UNC79: variants seen among roughly 807,000 people sequenced by gnomAD.
UNC79 encodes unc-79 subunit of NALCN channel complex.
UNC79 carries 37 observed loss-of-function variants against 283.1 expected under a neutral mutation model. That is an observed-to-expected ratio of 0.13 (90% confidence interval 0.10 to 0.17). UNC79 has a LOEUF of 0.17. Ranked by LOEUF, UNC79 falls within the 10% of genes least tolerant of loss-of-function variation. The pLI, the probability that UNC79 is intolerant of heterozygous loss-of-function variation, is 1.00. For missense variants in UNC79, 2,272 were observed against 3,211.1 expected (o/e 0.71, Z 7.07); for synonymous variants, 1,107 against 1,200.2 (o/e 0.92, Z 1.61).
chr14:93,504,273 C>CCTT (rs10656334), intron 7 of UNC79, among the ~76,000 whole-genome samples: 151,596 of 151,928 alleles, frequency 1, 75,637 homozygotes, highest in Middle Eastern at 1. Flanking sequence ...TCCTCCTCCT[C>CCTT]CATTTCTTCC....
At chr14:93,394,139 G>A (rs533249393) in intron 1 of UNC79, among the ~76,000 whole-genome samples, 16 of 152,084 alleles carry the variant, frequency 1.1e-4, no homozygotes, top group South Asian at 4.2e-4. Context: ...ATTTGTCTGC[G>A]ACAGCTATTA....
At chr14:93,571,659 TC>T (rs1374456931) in intron 14 of UNC79, among the ~76,000 whole-genome samples, 1 of 152,236 alleles carries the variant, frequency 6.6e-6, no homozygotes, top group East Asian at 1.9e-4. Flanking sequence ...CATTAAAAAT[TC>T]CATCTGTAAT....
chr14:93,677,426 C>T (rs1463126492), intron 41 of UNC79, among the ~76,000 whole-genome samples: 2 of 152,200 alleles, frequency 1.3e-5, no homozygotes, highest in Non-Finnish European at 2.9e-5. Context: ...TGGCAGCAGG[C>T]AAAAGAGCTT....
chr14:93,599,580 T>A (rs2065344868), intron 24 of UNC79, among the ~76,000 whole-genome samples: 1 of 152,222 alleles, frequency 6.6e-6, no homozygotes, highest in Non-Finnish European at 1.5e-5. Context: ...TTCTATGTCC[T>A]ACCCCTGCTT....
rs547742745 is a variant in UNC79, at chr14:93,603,624, C to T, written c.3754+206C>T. On this transcript the variant is annotated intron_variant, in intron 26 of 48. Coordinates refer to ENST00000555664, the Ensembl canonical transcript of UNC79. ...CCTAGTTTGCTGGGGTAGCAAAGCC[C>T]TGATCCAACAGTAGATGTTTTTGAA... 1.7e-3 allele frequency among the ~76,000 whole-genome samples: 264 copies of T among 152,258 alleles called. 3 individuals are homozygous for T. The highest frequency in any genetic ancestry group is 6.1e-3 in the African/African-American group (252 of 41,554).
At chr14:93,437,319 T>C (rs907921307) in intron 1 of UNC79, 4 of 152,200 alleles carry the variant, frequency 2.6e-5, no homozygotes, top group African/African-American at 9.6e-5. Flanking sequence ...CATAACAGCT[T>C]TGAGAGATGT....
intron 1 of UNC79, among the ~76,000 whole-genome samples, chr14:93,444,830 T>A (rs1312273437): frequency 6.6e-6 from 1 of 152,206 alleles, no homozygotes; most frequent in Non-Finnish European, 1.5e-5. Context: ...CAAAACTGTT[T>A]CAACTATTTA....
chr14:93,617,183 A>G lies in UNC79; in HGVS notation c.4103A>G (p.Lys1368Arg), dbSNP rs372234366. 6.2e-7 allele frequency: 1 copy of G among 1,614,034 alleles called. No homozygotes were observed. Among genetic ancestry groups the G allele is most frequent in the African/African-American group, 1.3e-5 (1 of 74,912 alleles). ...CTCCCCTTAGTGGTTCAGGTGCTCAAATACTGCTCTTGTCCTCAACTCCGG... is the reference window on the plus strand; with the variant it reads ...CTCCCCTTAGTGGTTCAGGTGCTCAGATACTGCTCTTGTCCTCAACTCCGG... The change falls in exon 28 of 49, where the codon AAA becomes AGA. Residue 1368 changes from lysine to arginine, a missense_variant. Physicochemically the swap from Lys to Arg is conservative, Grantham distance 26 (BLOSUM62 2). Around this residue, in one of 11 missense-constraint regions of UNC79, gnomAD observed 128 missense variants for 230.3 expected, o/e 0.56. Transcript: ENST00000555664. The surrounding 1 kb of genome is among the most constrained non-coding windows in gnomAD (Gnocchi z 4.5).
intron 1 of UNC79, among the ~76,000 whole-genome samples, chr14:93,459,545 A>T (rs2056887966): frequency 6.6e-6 from 1 of 152,204 alleles, no homozygotes; most frequent in African/African-American, 2.4e-5. Context: ...AACCAGTAAA[A>T]ATAATTAAAG....
At chr14:93,483,005 C>A (rs117098634) in intron 4 of UNC79, among the ~76,000 whole-genome samples, 1 of 152,168 alleles carries the variant, frequency 6.6e-6, no homozygotes, top group Non-Finnish European at 1.5e-5. Flanking sequence ...GCTCCAGGAG[C>A]CTTGGCCTTT....
chr14:93,526,828 G>A (rs528491345), intron 8 of UNC79, among the ~76,000 whole-genome samples: 3 of 152,168 alleles, frequency 2.0e-5, no homozygotes, highest in South Asian at 2.1e-4. Flanking sequence ...GTATCTTTAC[G>A]TGAGAGAGGT....
chr14:93,426,051 A>G (rs1438734182), upstream of UNC79, among the ~76,000 whole-genome samples: 1 of 152,026 alleles, frequency 6.6e-6, no homozygotes, highest in Non-Finnish European at 1.5e-5. Flanking sequence ...AAATATTTTT[A>G]TTTTATTTTC....
intron 4 of UNC79, among the ~76,000 whole-genome samples, chr14:93,480,908 T>C (rs1321383563): frequency 6.6e-6 from 1 of 152,156 alleles, no homozygotes; most frequent in Non-Finnish European, 1.5e-5. Flanking sequence ...ACAAAAAGGC[T>C]TTTTGGTGTG....
intron 7 of UNC79, among the ~76,000 whole-genome samples, chr14:93,516,452 G>T (rs924126303): frequency 7.4e-4 from 28 of 37,932 alleles, no homozygotes; most frequent in African/African-American, 1.5e-3. Flanking sequence ...ATTTTTTTTG[G>T]GGGGGGGGGT....
intron 1 of UNC79, among the ~76,000 whole-genome samples, chr14:93,392,851 G>C (rs1555403147): frequency 6.6e-6 from 1 of 152,212 alleles, no homozygotes; most frequent in Non-Finnish European, 1.5e-5. Flanking sequence ...ACTGTCATTG[G>C]TGATAGGTTA....
At chr14:93,496,162 C>T (rs573088438) in intron 5 of UNC79, among the ~76,000 whole-genome samples, 60 of 152,022 alleles carry the variant, frequency 3.9e-4, no homozygotes, top group African/African-American at 2.7e-4. Flanking sequence ...TGATTACTAC[C>T]GACATTAAAA....
chr14:93,497,856 C>G (rs1484049935), intron 7 of UNC79, among the ~76,000 whole-genome samples: 1 of 151,806 alleles, frequency 6.6e-6, no homozygotes, highest in Admixed American at 6.6e-5. Flanking sequence ...CGTGGTGGTG[C>G]ACGACTGTAG....
At chr14:93,603,565 C>T (rs2065668080) in intron 26 of UNC79, 147 bp downstream of exon 26, 1 of 988,340 alleles carries the variant, frequency 1.0e-6, no homozygotes, top group African/African-American at 1.6e-5. Flanking sequence ...CCTAGAGAAT[C>T]ACTTCAGGGG....
At position 93,694,454 on chromosome 14, in the gene UNC79, T is replaced by TA. The variant is rs753274197; in HGVS notation, c.7548+47dup. ...ATTTTTAAAGACCATTTCTTACTGCTAAAAACAAATGTGGATTTATGTTGA... is the reference window on the plus strand; with the variant it reads ...ATTTTTAAAGACCATTTCTTACTGCTAAAAAACAAATGTGGATTTATGTTGA... On this transcript the variant is annotated intron_variant, in intron 47 of 48. Transcript: ENST00000555664. 7 of 1,535,936 alleles carry TA rather than the reference T, an allele frequency of 4.6e-6. 1 individual carries two copies. The East Asian group carries it at 1.6e-4, about 35-fold the overall frequency.
Sources: gnomAD v4.1 joint callset for allele counts (sites outside exome capture counted in the v4.1 genomes callset) on GRCh38, gnomAD v4.1.1 for gene constraint, gnomAD v4.1.1 regional missense constraint, Gnocchi (gnomAD v3.1) non-coding constraint, MANE v1.5 for transcripts, NCBI Gene and HGNC (gene_info 2026-07-23, HGNC 2026-07-21) for gene names.